The following LRRC37A2 variants were observed in gnomAD, a reference collection of about 807,000 sequenced individuals.
The protein encoded by LRRC37A2 is leucine-rich repeat-containing protein 37A2.
In LRRC37A2, 9 loss-of-function variants were observed where a neutral mutation model predicts 68.8. The ratio of observed to expected loss-of-function variants is 0.13; its 90% CI spans 0.08 to 0.23. The LOEUF is 0.23. Among genes scored for constraint, LRRC37A2 ranks in the 10% least tolerant of loss-of-function variants. LRRC37A2 has a pLI of 1.00. For missense variants in LRRC37A2, 168 were observed against 950.4 expected, an observed-to-expected ratio of 0.18 and a Z score of 10.82; for synonymous variants, 63 against 367.6, an observed-to-expected ratio of 0.17 and a Z score of 9.48.
the LRRC37A2 span, among the ~76,000 whole-genome samples, chr17:46,720,662 T>G: frequency 2.0e-5 from 3 of 152,216 alleles, no homozygotes. Flanking sequence ...AGAGTATGCT[T>G]TTAACTAATC....
the LRRC37A2 span, among the ~76,000 whole-genome samples, chr17:46,495,280 CCAGGCTGGTCTTGAAT>C: frequency 2.4e-4 from 35 of 144,620 alleles, 2 homozygotes; most frequent in African/African-American, 7.2e-4. Flanking sequence ...ACTATACTGC[CCAGGCTGGTCTTGAAT>C]TTTTTTGCTC....
chr17:46,768,168 C>G, the LRRC37A2 span: 1 of 1,227,252 alleles, frequency 8.1e-7, no homozygotes, highest in Middle Eastern at 2.7e-4. This position sits in a 1 kb window ranked among gnomAD's most constrained non-coding sequence, Gnocchi z 5.0. Flanking sequence ...TTGAAAAATC[C>G]TAGCTTCCTA....
chr17:46,793,827 G>GTAAACA, the LRRC37A2 span, among the ~76,000 whole-genome samples: 5 of 152,140 alleles, frequency 3.3e-5, no homozygotes, highest in Admixed American at 3.3e-4. Flanking sequence ...TAGAGATGCC[G>GTAAACA]GCTCCAGTTT....
At chr17:46,948,371 C>T in the LRRC37A2 span, among the ~76,000 whole-genome samples, 7 of 152,358 alleles carry the variant, frequency 4.6e-5, no homozygotes, top group Admixed American at 1.3e-4. Flanking sequence ...CTGATCCCTT[C>T]ATTCAGCTGG....
chr17:46,980,645 A>G, the LRRC37A2 span, among the ~76,000 whole-genome samples: 1 of 127,362 alleles, frequency 7.9e-6, no homozygotes, highest in Non-Finnish European at 1.7e-5. Context: ...ACACCGTGAA[A>G]CCCTGTCTCT....
the LRRC37A2 span, chr17:46,973,072 C>A: frequency 6.6e-6 from 1 of 151,828 alleles, no homozygotes; most frequent in African/African-American, 2.4e-5. Flanking sequence ...TCAAGGGATG[C>A]TACTCGGAAA....
chr17:47,019,445 A>AG, the LRRC37A2 span: 1 of 1,609,928 alleles, frequency 6.2e-7, no homozygotes, highest in African/African-American at 1.4e-5. Context: ...CTCCAGACCT[A>AG]GGGCTTGCCA....
chr17:46,857,267 G>A, the LRRC37A2 span, among the ~76,000 whole-genome samples: 1 of 151,954 alleles, frequency 6.6e-6, no homozygotes, highest in Non-Finnish European at 1.5e-5. Context: ...TCTGGAGTTC[G>A]AGACCAGCCT....
At chr17:46,742,199 C>A in the LRRC37A2 span, among the ~76,000 whole-genome samples, 1 of 151,990 alleles carries the variant, frequency 6.6e-6, no homozygotes, top group Non-Finnish European at 1.5e-5. Context: ...GCATACATGC[C>A]GTTCATTCTA....
the LRRC37A2 span, among the ~76,000 whole-genome samples, chr17:46,802,511 A>G: frequency 6.6e-6 from 1 of 151,938 alleles, no homozygotes; most frequent in African/African-American, 2.4e-5. Flanking sequence ...CAGATGATCC[A>G]CCTGCCTCGG....
At chr17:46,822,577 G>A in the LRRC37A2 span, among the ~76,000 whole-genome samples, 2 of 152,228 alleles carry the variant, frequency 1.3e-5, no homozygotes, top group Admixed American at 1.3e-4. Context: ...GTCCCACTCC[G>A]CTCCCTGCGG....
the LRRC37A2 span, among the ~76,000 whole-genome samples, chr17:46,793,272 T>TTA: frequency 2.4e-5 from 1 of 41,950 alleles, no homozygotes; most frequent in Admixed American, 4.2e-4. Flanking sequence ...AGACCCTGTC[T>TTA]AAAAAAAAAA....
the LRRC37A2 span, among the ~76,000 whole-genome samples, chr17:46,748,099 CT>C: frequency 6.6e-6 from 1 of 152,014 alleles, no homozygotes; most frequent in Non-Finnish European, 1.5e-5. Context: ...TATTTCTAAC[CT>C]TTTTATTTAT....
chr17:46,807,745 G>A, the LRRC37A2 span, among the ~76,000 whole-genome samples: 7 of 152,256 alleles, frequency 4.6e-5, no homozygotes, highest in Admixed American at 3.9e-4. Flanking sequence ...GGCTGATGAC[G>A]GAAAACACAT....
chr17:46,876,405 A>G, the LRRC37A2 span: 5 of 1,613,732 alleles, frequency 3.1e-6, no homozygotes, highest in Non-Finnish European at 3.4e-6. Context: ...GCCACCAATG[A>G]GGCCTTGGGC....
At chr17:46,680,373 GC>G in the LRRC37A2 span, among the ~76,000 whole-genome samples, 1 of 150,828 alleles carries the variant, frequency 6.6e-6, no homozygotes, top group Admixed American at 6.6e-5. Context: ...GGCTGGCTGT[GC>G]CTTAAACGGA....
the LRRC37A2 span, among the ~76,000 whole-genome samples, chr17:46,828,037 G>A: frequency 1.3e-5 from 2 of 151,500 alleles, no homozygotes; most frequent in African/African-American, 4.9e-5. Flanking sequence ...GTCTCGATCC[G>A]CTGACCTCAT....
At chr17:46,910,178 T>G in the LRRC37A2 span, 2 of 152,174 alleles carry the variant, frequency 1.3e-5, no homozygotes, top group Admixed American at 1.3e-4. Context: ...TGTGGGCAAA[T>G]GAGCAGGAAG....
At chr17:46,493,647 C>A in the LRRC37A2 span, among the ~76,000 whole-genome samples, 1 of 148,806 alleles carries the variant, frequency 6.7e-6, no homozygotes, top group Non-Finnish European at 1.5e-5. Flanking sequence ...ACACCATTCT[C>A]CTGCCTCAGC....
Sources: allele counts gnomAD v4.1 joint callset (sites outside exome capture counted in the v4.1 genomes callset), GRCh38; gene constraint gnomAD v4.1.1; non-coding constraint Gnocchi (gnomAD v3.1); transcripts MANE v1.5; gene names NCBI Gene and HGNC (gene_info 2026-07-23, HGNC 2026-07-21).